The following IMMP2L variants were observed in gnomAD, a reference collection of about 807,000 sequenced individuals.
The protein encoded by IMMP2L is inner mitochondrial membrane peptidase subunit 2, also known as mitochondrial inner membrane protease subunit 2.
A neutral mutation model predicts 19.3 loss-of-function variants in IMMP2L; 18 were observed. That is an observed-to-expected ratio of 0.93 (90% CI 0.64 to 1.38). The LOEUF is 1.38. Among genes scored for constraint, IMMP2L ranks in the 40% most tolerant of loss-of-function variants. The pLI is 0.00. For synonymous variants in IMMP2L, 76 were observed against 73.0 expected, an observed-to-expected ratio of 1.04 and a Z score of -0.21; for missense variants, 233 against 218.2, an observed-to-expected ratio of 1.07 and a Z score of -0.43.
At chr7:111,167,286 C>A (rs1172721561) in intron 3 of IMMP2L, among the ~76,000 whole-genome samples, 2 of 151,952 alleles carry the variant, frequency 1.3e-5, no homozygotes, top group Non-Finnish European at 2.9e-5. Context: ...CCCTAACTAA[C>A]TGATTATCAC....
At chr7:111,446,797 T>G (rs1838505852) in intron 3 of IMMP2L, among the ~76,000 whole-genome samples, 1 of 151,956 alleles carries the variant, frequency 6.6e-6, no homozygotes, top group African/African-American at 2.4e-5. Context: ...GCAAAGAAGT[T>G]GAAAACTTTG....
At chr7:110,694,447 A>C (rs1793728529) in intron 5 of IMMP2L, among the ~76,000 whole-genome samples, 1 of 152,204 alleles carries the variant, frequency 6.6e-6, no homozygotes, top group South Asian at 2.1e-4. Flanking sequence ...GAGTCCAGTA[A>C]GTCTCAGGGG....
intron 3 of IMMP2L, among the ~76,000 whole-genome samples, chr7:111,003,693 G>C (rs1823973781): frequency 6.6e-6 from 1 of 151,804 alleles, no homozygotes; most frequent in Non-Finnish European, 1.5e-5. Context: ...TAAATGTTTT[G>C]TAGAAATGGG....
chr7:110,700,113 C>T lies in IMMP2L; in HGVS notation c.409-36392G>A, dbSNP rs572010365. Among the ~76,000 whole-genome samples the T allele has an allele frequency of 3.3e-5, 5 of 152,254 alleles. No individual in the cohort carries two copies. The South Asian group carries it at 6.2e-4, about 19-fold the overall frequency. Reference sequence around the variant, plus strand: ...CCTTGTGAGACACGGAGCAGAGGACCCAACTAAGTCAGCCATGATTCCTGA... The same window carrying T: ...CCTTGTGAGACACGGAGCAGAGGACTCAACTAAGTCAGCCATGATTCCTGA... On this transcript the variant is annotated intron_variant, in intron 5 of 5. Transcript: ENST00000405709.
intron 5 of IMMP2L, among the ~76,000 whole-genome samples, chr7:110,826,093 T>C (rs1350788016): frequency 6.6e-6 from 1 of 152,226 alleles, no homozygotes; most frequent in East Asian, 1.9e-4. Flanking sequence ...AAAATGCTCA[T>C]CATCACTGGC....
chr7:111,551,016 GGAAAATCATATGAAAT>G (rs1303503305), intron 1 of IMMP2L, among the ~76,000 whole-genome samples: 17 of 152,126 alleles, frequency 1.1e-4, no homozygotes, highest in Non-Finnish European at 2.9e-5. Context: ...TTACATAATG[GGAAAATCATATGAAAT>G]GAAATTATCC....
chr7:110,881,720 C>T (rs1291712664), intron 5 of IMMP2L, among the ~76,000 whole-genome samples: 1 of 152,104 alleles, frequency 6.6e-6, no homozygotes, highest in Admixed American at 6.5e-5. Context: ...ATAAAAAATG[C>T]AATGAAAATT....
At chr7:111,531,324 T>C (rs915723526) in intron 1 of IMMP2L, among the ~76,000 whole-genome samples, 6 of 151,850 alleles carry the variant, frequency 4.0e-5, no homozygotes, top group Non-Finnish European at 5.9e-5. Flanking sequence ...GACATCTTCA[T>C]GGCTCCAGTA....
At chr7:111,484,322 T>C (rs984125644) in intron 3 of IMMP2L, among the ~76,000 whole-genome samples, 1 of 152,182 alleles carries the variant, frequency 6.6e-6, no homozygotes, top group Non-Finnish European at 1.5e-5. Flanking sequence ...ATTTGGAAAC[T>C]GCAAATTTTC....
At chr7:110,901,177 A>C (rs2129547223) in intron 4 of IMMP2L, among the ~76,000 whole-genome samples, 1 of 152,188 alleles carries the variant, frequency 6.6e-6, no homozygotes, top group South Asian at 2.1e-4. Context: ...TTTATAATCT[A>C]TCCACTGTTT....
intron 5 of IMMP2L, among the ~76,000 whole-genome samples, chr7:110,813,265 T>C (rs547361433): frequency 1.4e-4 from 22 of 152,194 alleles, no homozygotes; most frequent in Admixed American, 5.2e-4. Flanking sequence ...TTGAATTCAT[T>C]TGAGCAAAAA....
intron 3 of IMMP2L, among the ~76,000 whole-genome samples, chr7:111,046,825 C>T (rs966322196): frequency 6.6e-6 from 1 of 152,258 alleles, no homozygotes; most frequent in East Asian, 1.9e-4. Flanking sequence ...GGGGACTCTA[C>T]ATTCACTACT....
intron 3 of IMMP2L, among the ~76,000 whole-genome samples, chr7:111,008,251 C>T (rs1258687556): frequency 6.6e-6 from 1 of 151,960 alleles, no homozygotes; most frequent in Admixed American, 6.6e-5. Flanking sequence ...ACTATGACTC[C>T]CCCAATACTT....
chr7:111,270,355 T>C (rs1019169779), intron 3 of IMMP2L, among the ~76,000 whole-genome samples: 6 of 152,168 alleles, frequency 3.9e-5, no homozygotes, highest in East Asian at 1.9e-4. Context: ...CTGCTTTTCA[T>C]TTTTTAATAA....
intron 3 of IMMP2L, among the ~76,000 whole-genome samples, chr7:111,137,990 A>C (rs574204119): frequency 2.6e-5 from 4 of 152,078 alleles, no homozygotes; most frequent in Admixed American, 2.6e-4. Flanking sequence ...ACACCCAGCT[A>C]ATTTTTGTGG....
chr7:111,484,602 A>C (rs1842469449), intron 3 of IMMP2L, among the ~76,000 whole-genome samples: 1 of 152,158 alleles, frequency 6.6e-6, no homozygotes, highest in South Asian at 2.1e-4. Context: ...TAGTAACAAA[A>C]ATTATCATCT....
intron 3 of IMMP2L, among the ~76,000 whole-genome samples, chr7:111,400,643 C>T (rs1471959577): frequency 6.6e-6 from 1 of 151,970 alleles, no homozygotes; most frequent in Non-Finnish European, 1.5e-5. Flanking sequence ...TGTACCTTCC[C>T]CATGTTAAAT....
At chr7:111,016,455 AAT>A (rs939926968) in intron 3 of IMMP2L, among the ~76,000 whole-genome samples, 2 of 134,300 alleles carry the variant, frequency 1.5e-5, no homozygotes, top group African/African-American at 5.5e-5. Context: ...ATATATAATA[AAT>A]ATATATATTT....
At chr7:111,339,636 C>G (rs1241210997) in intron 3 of IMMP2L, among the ~76,000 whole-genome samples, 1 of 151,852 alleles carries the variant, frequency 6.6e-6, no homozygotes, top group Non-Finnish European at 1.5e-5. Flanking sequence ...TACACCACTC[C>G]TCTCAACTAG....
Sources: allele counts gnomAD v4.1 joint callset (sites outside exome capture counted in the v4.1 genomes callset), GRCh38; gene constraint gnomAD v4.1.1; transcripts MANE v1.5; gene names NCBI Gene and HGNC (gene_info 2026-07-23, HGNC 2026-07-21).